LRP1B: variants seen among roughly 807,000 people sequenced by gnomAD.
LRP1B encodes the protein low-density lipoprotein receptor-related protein 1B.
LRP1B carries 217 observed loss-of-function variants against 556.6 expected under a neutral mutation model. The ratio of observed to expected loss-of-function variants is 0.39; its 90% confidence interval spans 0.35 to 0.44. The LOEUF is 0.44. Among genes scored for constraint, LRP1B ranks in the 20% least tolerant of loss-of-function variants. The probability of loss-of-function intolerance (pLI) is 1.00; values close to 1 mark genes in which losing one functional copy is unlikely to be tolerated. For missense variants in LRP1B, 5,053 were observed against 5,620.8 expected, an observed-to-expected ratio of 0.90 and a Z score of 3.23; for synonymous variants, 2,047 against 1,865.8, an observed-to-expected ratio of 1.10 and a Z score of -2.50.
intron 25 of LRP1B, among the ~76,000 whole-genome samples, chr2:140,868,771 AT>A (rs1468941003): frequency 6.6e-6 from 1 of 152,110 alleles, no homozygotes; most frequent in Non-Finnish European, 1.5e-5. Context: ...GGGTAAGAGA[AT>A]TATTCTGGAT....
chr2:140,623,584 A>G (rs1384399595), intron 41 of LRP1B, among the ~76,000 whole-genome samples: 1 of 152,156 alleles, frequency 6.6e-6, no homozygotes, highest in African/African-American at 2.4e-5. Context: ...TTAATAGATT[A>G]TGCTACTATA....
At chr2:142,024,601 G>A (rs886744540) in intron 1 of LRP1B, among the ~76,000 whole-genome samples, 1 of 144,652 alleles carries the variant, frequency 6.9e-6, no homozygotes, top group Admixed American at 7.0e-5. Context: ...AGCTTGTCAT[G>A]TCAATAATCA....
chr2:141,829,957 T>G (rs187125948), intron 1 of LRP1B, among the ~76,000 whole-genome samples: 8 of 151,966 alleles, frequency 5.3e-5, no homozygotes, highest in Non-Finnish European at 2.9e-5. Context: ...TTTGGGGGTT[T>G]TGTCAAATGT....
At chr2:141,327,831 A>T (rs1687481026) in intron 3 of LRP1B, among the ~76,000 whole-genome samples, 1 of 151,918 alleles carries the variant, frequency 6.6e-6, no homozygotes, top group Admixed American at 6.6e-5. Context: ...TCTTCTCTAG[A>T]TGGAGCGATT....
chr2:141,737,574 C>T (rs1693532368), intron 2 of LRP1B, among the ~76,000 whole-genome samples: 1 of 152,082 alleles, frequency 6.6e-6, no homozygotes, highest in African/African-American at 2.4e-5. Flanking sequence ...ATTGTAATTG[C>T]ATATAATTAT....
intron 63 of LRP1B, among the ~76,000 whole-genome samples, chr2:140,449,006 G>A (rs1411741201): frequency 6.6e-6 from 1 of 152,028 alleles, no homozygotes; most frequent in African/African-American, 2.4e-5. Flanking sequence ...AATATTTGAT[G>A]ACCATATATT....
intron 3 of LRP1B, among the ~76,000 whole-genome samples, chr2:141,336,965 A>C (rs1004627734): frequency 6.6e-6 from 1 of 152,194 alleles, no homozygotes; most frequent in Non-Finnish European, 1.5e-5. Flanking sequence ...GCTTATGTCC[A>C]GTTTATGTTA....
At chr2:141,905,962 A>G (rs538193496) in intron 1 of LRP1B, among the ~76,000 whole-genome samples, 5 of 144,262 alleles carry the variant, frequency 3.5e-5, no homozygotes, top group African/African-American at 1.3e-4. Flanking sequence ...GTCTCTGTGT[A>G]TATACATCTC....
At chr2:140,794,534 T>A (rs915903537) in intron 32 of LRP1B, among the ~76,000 whole-genome samples, 13 of 151,368 alleles carry the variant, frequency 8.6e-5, no homozygotes, top group African/African-American at 2.9e-4. Context: ...TCAAGGGAGC[T>A]GTCCAGATGA....
chr2:142,038,974 A>G (rs972914551), intron 1 of LRP1B, among the ~76,000 whole-genome samples: 2 of 151,462 alleles, frequency 1.3e-5, no homozygotes, highest in African/African-American at 4.8e-5. Flanking sequence ...CCTTGAGCTC[A>G]TGTTCTTCTT....
chr2:140,903,946 A>C (rs1694177178), intron 22 of LRP1B, among the ~76,000 whole-genome samples: 1 of 152,078 alleles, frequency 6.6e-6, no homozygotes, highest in Admixed American at 6.6e-5. Context: ...ACATATGATT[A>C]CATATATAAT....
chr2:140,746,933 A>G (rs2104880255), intron 35 of LRP1B, among the ~76,000 whole-genome samples: 1 of 152,152 alleles, frequency 6.6e-6, no homozygotes, highest in Non-Finnish European at 1.5e-5. Context: ...AAAAATTAAG[A>G]AAAAAAATCT....
At chr2:140,998,807 T>C (rs1275750163) in intron 15 of LRP1B, among the ~76,000 whole-genome samples, 1 of 152,112 alleles carries the variant, frequency 6.6e-6, no homozygotes, top group African/African-American at 2.4e-5. Context: ...TCATTTGATG[T>C]CAATTTAACA....
intron 41 of LRP1B, among the ~76,000 whole-genome samples, chr2:140,620,197 C>T (rs967307972): frequency 3.9e-5 from 6 of 152,232 alleles, no homozygotes; most frequent in African/African-American, 1.2e-4. Context: ...TAGCCTGTCA[C>T]AATAACAGTG....
intron 77 of LRP1B, among the ~76,000 whole-genome samples, chr2:140,349,373 A>G (rs534362319): frequency 3.3e-5 from 5 of 152,046 alleles, no homozygotes; most frequent in South Asian, 2.1e-4. Context: ...CATTTTGCCA[A>G]TTATCATTAT....
At chr2:140,597,175 G>A (rs488610) in intron 43 of LRP1B, among the ~76,000 whole-genome samples, 46,377 of 151,826 alleles carry the variant, frequency 0.31, 7,256 homozygotes, top group Admixed American at 0.34. Context: ...TTCTAACTTC[G>A]GGGCCCAATC....
intron 2 of LRP1B, among the ~76,000 whole-genome samples, chr2:141,521,309 T>C (rs1209070419): frequency 6.6e-6 from 1 of 152,096 alleles, no homozygotes; most frequent in Non-Finnish European, 1.5e-5. Flanking sequence ...AAACTTTTTA[T>C]CCACATTTTC....
At chr2:141,710,013 G>A (rs115469019) in intron 2 of LRP1B, among the ~76,000 whole-genome samples, 4,467 of 151,900 alleles carry the variant, frequency 0.029, 92 homozygotes, top group Non-Finnish European at 0.045. Flanking sequence ...AATTTTATAC[G>A]GGTATTAATC....
At chr2:140,529,954 AATG>A (rs1161366140) in intron 47 of LRP1B, among the ~76,000 whole-genome samples, 2 of 152,104 alleles carry the variant, frequency 1.3e-5, no homozygotes, top group African/African-American at 4.8e-5. Flanking sequence ...AATTAAAAAA[AATG>A]ATGAAGATTT....
Sources: gnomAD v4.1 joint callset for allele counts (sites outside exome capture counted in the v4.1 genomes callset) on GRCh38, gnomAD v4.1.1 for gene constraint, MANE v1.5 for transcripts, NCBI Gene and HGNC (gene_info 2026-07-23, HGNC 2026-07-21) for gene names.